Variants in DRC9 observed in about 807,000 individuals in gnomAD.
DRC9 encodes the protein dynein regulatory complex subunit 9.
At chr3:197,927,445 C>T in the DRC9 span, among the ~76,000 whole-genome samples, 3 of 152,098 alleles carry the variant, frequency 2.0e-5, no homozygotes, top group South Asian at 2.1e-4. Context: ...AGGCTGGTCT[C>T]GAATTCCTGA....
chr3:197,928,704 G>A, the DRC9 span, among the ~76,000 whole-genome samples: 3 of 152,250 alleles, frequency 2.0e-5, no homozygotes, highest in East Asian at 3.9e-4. Flanking sequence ...AATGAAAGGT[G>A]TAAACCTATA....
the DRC9 span, chr3:197,945,687 C>G: frequency 7.9e-7 from 1 of 1,262,758 alleles, no homozygotes. Flanking sequence ...GTGCAGTTAC[C>G]TAAAATGGGA....
chr3:197,952,941 C>G, the DRC9 span, among the ~76,000 whole-genome samples: 1 of 151,792 alleles, frequency 6.6e-6, no homozygotes, highest in Admixed American at 6.6e-5. Context: ...GCTGGGATTA[C>G]AGGCGCGCAC....
the DRC9 span, among the ~76,000 whole-genome samples, chr3:197,927,553 T>C: frequency 6.6e-6 from 1 of 152,296 alleles, no homozygotes; most frequent in East Asian, 1.9e-4. Context: ...ACATAGTTAA[T>C]TAACTAGAAT....
the DRC9 span, among the ~76,000 whole-genome samples, chr3:197,918,679 T>C: frequency 6.6e-6 from 1 of 152,228 alleles, no homozygotes; most frequent in African/African-American, 2.4e-5. Context: ...AAGAGCATGT[T>C]CTGGTAATTT....
At chr3:197,898,567 G>A in the DRC9 span, among the ~76,000 whole-genome samples, 10 of 152,146 alleles carry the variant, frequency 6.6e-5, no homozygotes, top group Middle Eastern at 3.2e-3. Context: ...AAGGCATATC[G>A]GAGACTGGGT....
the DRC9 span, among the ~76,000 whole-genome samples, chr3:197,930,836 C>G: frequency 6.6e-6 from 1 of 150,758 alleles, no homozygotes; most frequent in Non-Finnish European, 1.5e-5. Context: ...GAGATCAAGA[C>G]CATCCTGGCC....
At chr3:197,893,357 CAAAAAA>C in the DRC9 span, among the ~76,000 whole-genome samples, 59 of 43,244 alleles carry the variant, frequency 1.4e-3, no homozygotes, top group African/African-American at 4.7e-3. Flanking sequence ...AACTCCGTCT[CAAAAAA>C]AAAAAAAAAA....
chr3:197,930,419 G>T, the DRC9 span, among the ~76,000 whole-genome samples: 33 of 151,960 alleles, frequency 2.2e-4, no homozygotes, highest in African/African-American at 8.0e-4. Context: ...AAACACAAGG[G>T]TTAGAAGATA....
At chr3:197,935,876 G>C in the DRC9 span, among the ~76,000 whole-genome samples, 5 of 152,276 alleles carry the variant, frequency 3.3e-5, no homozygotes, top group East Asian at 9.6e-4. Flanking sequence ...CCTCTGCCCA[G>C]GTCATCAGAA....
the DRC9 span, among the ~76,000 whole-genome samples, chr3:197,895,588 T>C: frequency 1.3e-5 from 2 of 152,228 alleles, no homozygotes; most frequent in African/African-American, 4.8e-5. Flanking sequence ...TTTCTATTTA[T>C]GGAAGGTGAT....
the DRC9 span, chr3:197,951,530 A>G: frequency 1.9e-6 from 1 of 520,316 alleles, no homozygotes; most frequent in Non-Finnish European, 3.4e-6. Context: ...TTTTTGTATT[A>G]TTAGTAGAGA....
chr3:197,952,050 A>G, the DRC9 span, among the ~76,000 whole-genome samples: 1 of 149,594 alleles, frequency 6.7e-6, no homozygotes, highest in African/African-American at 2.5e-5. Context: ...AATTCCTTAT[A>G]TTGTGATCCT....
chr3:197,898,679 G>C, the DRC9 span, among the ~76,000 whole-genome samples: 1 of 152,168 alleles, frequency 6.6e-6, no homozygotes, highest in Admixed American at 6.5e-5. Context: ...AGTGCCGAGC[G>C]AAGGAGGAAG....
chr3:197,915,024 A>T, the DRC9 span, among the ~76,000 whole-genome samples: 59,541 of 151,156 alleles, frequency 0.39, 16,291 homozygotes, highest in African/African-American at 0.79. Context: ...AATAGCTGGG[A>T]GTGGTGGCGG....
chr3:197,929,064 G>A, the DRC9 span, among the ~76,000 whole-genome samples: 1 of 152,190 alleles, frequency 6.6e-6, no homozygotes, highest in Non-Finnish European at 1.5e-5. The surrounding 1 kb of genome is among the most constrained non-coding windows in gnomAD (Gnocchi z 4.6). Context: ...CAGGTTGCCT[G>A]GAATGGTTGA....
the DRC9 span, among the ~76,000 whole-genome samples, chr3:197,899,246 A>G: frequency 6.6e-6 from 1 of 152,252 alleles, no homozygotes; most frequent in African/African-American, 2.4e-5. Flanking sequence ...TGAAGAAGGC[A>G]TTAGCTAAAA....
At chr3:197,927,351 T>G in the DRC9 span, among the ~76,000 whole-genome samples, 1 of 152,172 alleles carries the variant, frequency 6.6e-6, no homozygotes, top group South Asian at 2.1e-4. Flanking sequence ...CTCGGCCTCC[T>G]GAGTAGCTGG....
the DRC9 span, among the ~76,000 whole-genome samples, chr3:197,936,881 G>A: frequency 6.6e-6 from 1 of 150,884 alleles, no homozygotes; most frequent in Non-Finnish European, 1.5e-5. Context: ...TTTATAAGCA[G>A]GTTGCCTTTC....
Sources: gnomAD v4.1 joint callset for allele counts (sites outside exome capture counted in the v4.1 genomes callset) on GRCh38, gnomAD v4.1.1 for gene constraint, Gnocchi (gnomAD v3.1) non-coding constraint, MANE v1.5 for transcripts, NCBI Gene and HGNC (gene_info 2026-07-23, HGNC 2026-07-21) for gene names.